The following NUP155 variants were observed in gnomAD, a reference collection of about 807,000 sequenced individuals.
NUP155 encodes nuclear pore complex protein Nup155.
In NUP155, 71 loss-of-function variants were observed where a neutral mutation model predicts 180.4. The ratio of observed to expected loss-of-function variants is 0.39; its 90% CI spans 0.33 to 0.48. NUP155 has a LOEUF of 0.48. NUP155 is among the 20% of genes least tolerant of loss of function. The pLI is 0.91. For missense variants in NUP155, 1,553 were observed against 1,648.9 expected, an observed-to-expected ratio of 0.94 and a Z score of 1.01; for synonymous variants, 582 against 559.5, an observed-to-expected ratio of 1.04 and a Z score of -0.57.
intron 1 of NUP155, 33 bp from the exon 2 acceptor site, chr5:37,364,417 G>A: frequency 6.3e-7 from 1 of 1,599,436 alleles, no homozygotes; most frequent in Non-Finnish European, 8.6e-7. Flanking sequence ...TTATAATAAT[G>A]TACTGCTCAT....
chr5:37,295,667 A>C (rs370342244), intron 32 of NUP155, among the ~76,000 whole-genome samples: 25 of 138,798 alleles, frequency 1.8e-4, no homozygotes, highest in African/African-American at 6.8e-4. Context: ...GCCACCCATC[A>C]TCTGAGATGT....
intron 21 of NUP155, among the ~76,000 whole-genome samples, chr5:37,316,504 GC>G (rs1743895021): frequency 6.6e-6 from 1 of 152,034 alleles, no homozygotes; most frequent in Non-Finnish European, 1.5e-5. Flanking sequence ...TGCTCTTGTT[GC>G]CCAGGCTAGG....
intron 1 of NUP155, among the ~76,000 whole-genome samples, chr5:37,370,383 CAAAT>C (rs147431587): frequency 0.013 from 2,039 of 152,296 alleles, 43 homozygotes; most frequent in African/African-American, 0.046. Flanking sequence ...AATAAATAAA[CAAAT>C]AAATATAAAG....
In NUP155 at chr5:37,337,405, AAG is replaced by A. The variant is rs368522343; in HGVS notation, c.1347+411_1347+412del. On this transcript the variant is annotated intron_variant, in intron 12 of 34. Coordinates refer to ENST00000231498, the MANE Select transcript of NUP155 (RefSeq NM_153485.3). Reference sequence around the variant, plus strand: ...TAAAAAAAAAACAGACAAAATTACAAAGAGATTGTTAGAATAAAATCTAAGTC... The same window carrying A: ...TAAAAAAAAAACAGACAAAATTACAAAGATTGTTAGAATAAAATCTAAGTC... Among the ~76,000 whole-genome samples, 77 of 152,318 alleles carry A rather than the reference AAG, an allele frequency of 5.1e-4. 1 individual carries two copies. Among genetic ancestry groups the A allele is most frequent in the Admixed American group, 3.9e-3 (60 of 15,296 alleles).
chr5:37,296,816 G>A (rs973880152), intron 32 of NUP155, among the ~76,000 whole-genome samples: 6 of 152,074 alleles, frequency 3.9e-5, no homozygotes, highest in African/African-American at 1.4e-4. Flanking sequence ...AGATTTATTT[G>A]ACAGTTCTAA....
At chr5:37,326,741 T>C (rs534847258) in intron 18 of NUP155, among the ~76,000 whole-genome samples, 1 of 152,318 alleles carries the variant, frequency 6.6e-6, no homozygotes, top group East Asian at 1.9e-4. Context: ...TCACAACTGA[T>C]TGCCTATTCT....
chr5:37,341,148 G>A lies in NUP155; in HGVS notation c.1188C>T (p.Phe396=), dbSNP rs1301759135. 1.2e-6 allele frequency: 2 copies of A among 1,613,952 alleles called. No homozygotes were observed. The highest frequency in any genetic ancestry group is 3.3e-5 in the Admixed American group (2 of 60,008). ...GCTTTTCCACGGTTGAAGATGCTGA[G>A]AATCCAGGAGGTAAGCGGACATGAA... ...TLVHVRLPPG[F]SASSTVEKPS... is the part of the protein sequence containing the mutation. Residue 396 remains phenylalanine (F), a synonymous_variant, in exon 11 of 35, where the codon TTC becomes TTT. Coordinates refer to ENST00000231498, the MANE Select transcript of NUP155 (RefSeq NM_153485.3).
intron 21 of NUP155, among the ~76,000 whole-genome samples, chr5:37,317,257 G>A (rs1454834465): frequency 6.6e-6 from 1 of 152,098 alleles, no homozygotes; most frequent in Non-Finnish European, 1.5e-5. Flanking sequence ...GGGAGGCCGA[G>A]GCGGACGGGA....
At chr5:37,329,101 T>A in intron 16 of NUP155, 89 bp downstream of exon 16, 1 of 889,902 alleles carries the variant, frequency 1.1e-6, no homozygotes, top group Admixed American at 1.9e-5. Flanking sequence ...AAATAAAACA[T>A]AATGAAAAGG....
chr5:37,305,147 A>G lies in NUP155; in HGVS notation c.2967T>C (p.Ala989=), dbSNP rs1284709185. 5 of 1,613,870 alleles carry G rather than the reference A, an allele frequency of 3.1e-6. No homozygotes were observed. In the South Asian group the frequency reaches 5.5e-5, roughly 18 times the overall value. ...TTTTGGGTACACTGGGAGACTGAGG[A>G]GCGGCCTTACTTTGATTTACCAGTT... is the stretch of plus-strand genomic sequence containing the variant. ...LQELVNQSKA[A]PQSPSVPKKP... Residue 989 remains alanine (A), a synonymous_variant, in exon 26 of 35, where the codon GCT becomes GCC. Coordinates refer to ENST00000231498, the MANE Select transcript of NUP155 (RefSeq NM_153485.3).
At chr5:37,297,072 A>T (rs2150938295) in intron 32 of NUP155, among the ~76,000 whole-genome samples, 1 of 152,306 alleles carries the variant, frequency 6.6e-6, no homozygotes, top group Admixed American at 6.5e-5. Context: ...GGGCAACACC[A>T]TGAGATCCCT....
Position 37,304,083 on chromosome 5 carries a change from A to G in NUP155, c.3162+656T>C, listed in dbSNP as rs182750142. ...GCCAACATGGTAAAACCCCGTCTCT[A>G]CTAAAAAGATATAAAAATTAGCTGT... On this transcript the variant is annotated intron_variant, in intron 27 of 34. Transcript: ENST00000231498. Among the ~76,000 whole-genome samples the G allele has an allele frequency of 6.5e-3, 993 of 151,958 alleles. 9 individuals carry two copies. The highest frequency in any genetic ancestry group is 0.022 in the African/African-American group (932 of 41,436).
intron 1 of NUP155, among the ~76,000 whole-genome samples, chr5:37,368,651 C>A (rs1747762824): frequency 6.6e-6 from 1 of 151,932 alleles, no homozygotes; most frequent in Non-Finnish European, 1.5e-5. Flanking sequence ...GAAACCCTGT[C>A]TCTACTAAAA....
intron 3 of NUP155, among the ~76,000 whole-genome samples, chr5:37,363,603 A>G (rs2111716193): frequency 6.6e-6 from 1 of 152,318 alleles, no homozygotes; most frequent in Non-Finnish European, 1.5e-5. Flanking sequence ...TATTTTTACT[A>G]CGGGCTAACA....
rs932298857 is a variant in NUP155, at chr5:37,299,691, T to A, written c.3562-123A>T. 4 of 1,014,774 alleles carry A rather than the reference T, an allele frequency of 3.9e-6. No homozygotes were observed. The Admixed American group carries it at 8.0e-5, about 20-fold the overall frequency. The allele number at this position is 1,014,774 out of a possible 1,614,324, so 62.9% of individuals were successfully genotyped here. A position where few individuals can be genotyped will look rare whatever the true frequency, so the allele number is the denominator to read the frequency against. ...TTTACATAAAGTTTCTGAAATATGA[T>A]ATAAAGATGTGATGATGTATGTAGC... On this transcript the variant is annotated intron_variant, in intron 30 of 34. Coordinates refer to ENST00000231498, the MANE Select transcript of NUP155 (RefSeq NM_153485.3).
At chr5:37,296,002 A>G (rs1326276086) in intron 32 of NUP155, among the ~76,000 whole-genome samples, 22 of 79,558 alleles carry the variant, frequency 2.8e-4, no homozygotes, top group Middle Eastern at 9.6e-3. Flanking sequence ...GGGAGGGAGG[A>G]GGGGGGGGTC....
intron 1 of NUP155, among the ~76,000 whole-genome samples, 159 bp from the exon 2 acceptor site, chr5:37,364,543 C>T (rs1010768051): frequency 7.9e-5 from 12 of 152,170 alleles, no homozygotes; most frequent in African/African-American, 2.7e-4. Flanking sequence ...GAAATATTCC[C>T]TTGTGAAGGT....
intron 11 of NUP155, among the ~76,000 whole-genome samples, chr5:37,339,491 GGTGGCACATGCCTGTA>G (rs1561796991): frequency 6.6e-6 from 1 of 151,968 alleles, no homozygotes. Flanking sequence ...AGCCAGGAGT[GGTGGCACATGCCTGTA>G]GTCCCAACTC....
At chr5:37,348,680 A>C in intron 8 of NUP155, 84 bp from the exon 9 acceptor site, 1 of 819,540 alleles carries the variant, frequency 1.2e-6, no homozygotes, top group East Asian at 2.6e-5. Context: ...GGGATCCTTT[A>C]ATATTGGTAT....
Sources: allele counts gnomAD v4.1 joint callset (sites outside exome capture counted in the v4.1 genomes callset), GRCh38; gene constraint gnomAD v4.1.1; transcripts MANE v1.5; gene names NCBI Gene and HGNC (gene_info 2026-07-23, HGNC 2026-07-21).